Variants in PTPRD observed in about 807,000 individuals in gnomAD.
PTPRD encodes protein tyrosine phosphatase receptor type D, also known as receptor-type tyrosine-protein phosphatase delta.
Under a neutral mutation model 214.5 loss-of-function variants are expected in PTPRD, and 34 were observed. That is an observed-to-expected ratio of 0.16 (90% confidence interval 0.12 to 0.21). The LOEUF is 0.21. Ranked by LOEUF, PTPRD falls within the 10% of genes least tolerant of loss-of-function variation. The pLI is 1.00. For missense variants in PTPRD, 2,545 were observed against 2,398.7 expected, an observed-to-expected ratio of 1.06 and a Z score of -1.27; for synonymous variants, 1,128 against 845.7, an observed-to-expected ratio of 1.33 and a Z score of -5.79.
intron 2 of PTPRD, among the ~76,000 whole-genome samples, chr9:10,381,973 G>C (rs558464159): frequency 6.6e-6 from 1 of 151,794 alleles, no homozygotes; most frequent in Non-Finnish European, 1.5e-5. Context: ...TCTTATAACA[G>C]AGAATAGTTC....
intron 7 of PTPRD, among the ~76,000 whole-genome samples, chr9:9,699,056 C>T (rs950310785): frequency 1.3e-5 from 2 of 152,246 alleles, no homozygotes; most frequent in South Asian, 4.1e-4. Flanking sequence ...CCTTCTTCTA[C>T]TCATGTTTAT....
At chr9:8,657,018 C>T (rs572344356) in intron 12 of PTPRD, among the ~76,000 whole-genome samples, 1 of 152,114 alleles carries the variant, frequency 6.6e-6, no homozygotes, top group African/African-American at 2.4e-5. Context: ...TTAATAATTA[C>T]CAATCTGACT....
intron 3 of PTPRD, among the ~76,000 whole-genome samples, chr9:10,284,796 G>A (rs187467503): frequency 2.0e-3 from 305 of 151,862 alleles, no homozygotes; most frequent in African/African-American, 6.9e-3. Flanking sequence ...GAGAGAGAGA[G>A]CATCTGCTGC....
At chr9:10,340,500 A>G (rs147883903) in intron 3 of PTPRD, among the ~76,000 whole-genome samples, 1 of 152,008 alleles carries the variant, frequency 6.6e-6, no homozygotes, top group African/African-American at 2.4e-5. Flanking sequence ...AAATTGTATG[A>G]TGCCAAAGGT....
At chr9:10,352,952 T>C (rs1447579507) in intron 2 of PTPRD, among the ~76,000 whole-genome samples, 1 of 151,958 alleles carries the variant, frequency 6.6e-6, no homozygotes. Context: ...TATTAACTTA[T>C]ATTCAACAGT....
intron 12 of PTPRD, among the ~76,000 whole-genome samples, chr9:8,652,715 T>C (rs1220241861): frequency 6.6e-6 from 1 of 152,196 alleles, no homozygotes; most frequent in Non-Finnish European, 1.5e-5. Flanking sequence ...TCCCAAGTAC[T>C]TGAGTGTTAG....
intron 10 of PTPRD, among the ~76,000 whole-genome samples, chr9:9,136,522 GA>G (rs1387464709): frequency 6.6e-6 from 1 of 151,828 alleles, no homozygotes; most frequent in Non-Finnish European, 1.5e-5. Context: ...TTAGATTCTA[GA>G]AAAAAGGTTA....
At chr9:8,625,077 T>C (rs1380318114) in intron 14 of PTPRD, among the ~76,000 whole-genome samples, 2 of 151,732 alleles carry the variant, frequency 1.3e-5, no homozygotes, top group African/African-American at 4.8e-5. Context: ...TAGAAAACTG[T>C]AATGGAGCTT....
chr9:10,276,399 T>C (rs1473704990), intron 3 of PTPRD, among the ~76,000 whole-genome samples: 1 of 152,152 alleles, frequency 6.6e-6, no homozygotes, highest in Non-Finnish European at 1.5e-5. Flanking sequence ...AAAAGAGAAC[T>C]CAGTTGAAAA....
chr9:10,047,927 C>T (rs1166217690), intron 3 of PTPRD, among the ~76,000 whole-genome samples: 1 of 152,150 alleles, frequency 6.6e-6, no homozygotes, highest in Non-Finnish European at 1.5e-5. Context: ...TACTCTATTT[C>T]TTTTCCTGTC....
intron 2 of PTPRD, among the ~76,000 whole-genome samples, chr9:10,521,911 C>CT (rs1220759267): frequency 2.0e-5 from 3 of 152,054 alleles, no homozygotes; most frequent in African/African-American, 7.2e-5. Flanking sequence ...GTACAATGTG[C>CT]TTTTTTGCAA....
At chr9:9,582,366 A>G (rs1005479805) in intron 7 of PTPRD, among the ~76,000 whole-genome samples, 1 of 152,004 alleles carries the variant, frequency 6.6e-6, no homozygotes, top group Admixed American at 6.6e-5. Context: ...TAATGCCTGG[A>G]GCTCCAGCAG....
intron 11 of PTPRD, among the ~76,000 whole-genome samples, chr9:8,914,302 A>G (rs1019009931): frequency 6.6e-6 from 1 of 152,136 alleles, no homozygotes; most frequent in Non-Finnish European, 1.5e-5. Context: ...ATTAAGCAAA[A>G]TATTTTGTGT....
intron 35 of PTPRD, among the ~76,000 whole-genome samples, chr9:8,422,269 C>T (rs1195966705): frequency 2.0e-5 from 3 of 151,618 alleles, no homozygotes; most frequent in African/African-American, 7.3e-5. Context: ...CCTAAAACTG[C>T]CTTATTTCTT....
chr9:10,344,007 T>TG (rs1555188138), intron 2 of PTPRD, among the ~76,000 whole-genome samples: 28 of 139,484 alleles, frequency 2.0e-4, no homozygotes, highest in Non-Finnish European at 4.0e-4. Flanking sequence ...TTTTTTTTTT[T>TG]GCTGTGCAGA....
chr9:9,731,285 T>C (rs917495666), intron 7 of PTPRD, among the ~76,000 whole-genome samples: 3 of 152,136 alleles, frequency 2.0e-5, no homozygotes, highest in African/African-American at 7.2e-5. Flanking sequence ...TCAATAGTAC[T>C]CTGGTTTTAA....
At chr9:9,874,695 T>G (rs577657409) in intron 5 of PTPRD, among the ~76,000 whole-genome samples, 1 of 152,322 alleles carries the variant, frequency 6.6e-6, no homozygotes, top group South Asian at 2.1e-4. Context: ...CAGTCAAACA[T>G]TAAATGATTT....
intron 11 of PTPRD, among the ~76,000 whole-genome samples, chr9:8,734,161 C>T (rs888014635): frequency 1.3e-5 from 2 of 152,188 alleles, no homozygotes; most frequent in Non-Finnish European, 2.9e-5. Context: ...GTTTGTGTTA[C>T]GTGGGAGCTC....
intron 9 of PTPRD, among the ~76,000 whole-genome samples, chr9:9,196,668 G>A (rs765212599): frequency 3.9e-5 from 6 of 152,044 alleles, no homozygotes; most frequent in South Asian, 2.1e-4. Context: ...TGAATATTAC[G>A]TGAAATCATG....
Sources: gnomAD v4.1 joint callset for allele counts (sites outside exome capture counted in the v4.1 genomes callset) on GRCh38, gnomAD v4.1.1 for gene constraint, MANE v1.5 for transcripts, NCBI Gene and HGNC (gene_info 2026-07-23, HGNC 2026-07-21) for gene names.